The following ZNF684 variants were observed in gnomAD, a reference collection of about 807,000 sequenced individuals.
ZNF684 encodes the protein zinc finger protein 684, also known as hypothetical protein MGC27466.
Under a neutral mutation model 12.8 loss-of-function variants are expected in ZNF684, and 13 were observed. The ratio of observed to expected loss-of-function variants is 1.02; its 90% CI spans 0.66 to 1.62. ZNF684 has a LOEUF of 1.62. ZNF684 is among the 40% of genes most tolerant of loss of function. The pLI, the probability that ZNF684 is intolerant of heterozygous loss-of-function variation, is 0.00. For missense variants in ZNF684, 384 were observed against 446.9 expected (o/e 0.86, Z 1.27); for synonymous variants, 118 against 151.8 (o/e 0.78, Z 1.64).
At chr1:40,544,389 T>A in intron 4 of ZNF684, 2 of 427,768 alleles carry the variant, frequency 4.7e-6, no homozygotes, top group South Asian at 3.2e-5. Context: ...TGTCTTTTTT[T>A]GAGACAGAGT....
At chr1:40,542,961 A>T (rs1391027094) in intron 4 of ZNF684, among the ~76,000 whole-genome samples, 1 of 152,218 alleles carries the variant, frequency 6.6e-6, no homozygotes, top group East Asian at 1.9e-4. Context: ...CCAATTAAAT[A>T]TATTTCAGAT....
At chr1:40,540,885 T>C (rs1484143595) in intron 3 of ZNF684, among the ~76,000 whole-genome samples, 173 bp downstream of exon 3, 1 of 151,898 alleles carries the variant, frequency 6.6e-6, no homozygotes, top group African/African-American at 2.4e-5. Context: ...CTGAGCAACG[T>C]TGTGAGACTG....
chr1:40,542,848 C>T (rs1292812866), intron 4 of ZNF684, among the ~76,000 whole-genome samples: 1 of 152,112 alleles, frequency 6.6e-6, no homozygotes, highest in Non-Finnish European at 1.5e-5. Context: ...ATGATTTCAG[C>T]GATTAGTTTA....
At chr1:40,539,907 C>T (rs1415877081) in intron 2 of ZNF684, among the ~76,000 whole-genome samples, 2 of 151,514 alleles carry the variant, frequency 1.3e-5, no homozygotes, top group Non-Finnish European at 2.9e-5. Context: ...TCTCTAAATC[C>T]TTTGCCCATT....
At chr1:40,532,357 T>G (rs1268594658) in intron 1 of ZNF684, among the ~76,000 whole-genome samples, 2 of 120,744 alleles carry the variant, frequency 1.7e-5, no homozygotes, top group African/African-American at 3.8e-5. Context: ...TCTCCAAATT[T>G]CTTTTTTTTT....
At chr1:40,534,531 G>A (rs953202884) in intron 2 of ZNF684, among the ~76,000 whole-genome samples, 8 of 151,626 alleles carry the variant, frequency 5.3e-5, no homozygotes, top group Non-Finnish European at 7.4e-5. Flanking sequence ...ATGAGCCACC[G>A]CACCCGGCCC....
Position 40,547,371 on chromosome 1 carries a change from A to T in ZNF684, c.1048A>T (p.Thr350Ser). 1 of 1,614,196 alleles carries T rather than the reference A, an allele frequency of 6.2e-7. No individual in the cohort carries two copies. Among genetic ancestry groups the T allele is most frequent in the Non-Finnish European group, 8.5e-7 (1 of 1,180,028 alleles). Residue 350 changes from threonine (T) to serine (S), a missense_variant, in exon 5 of 5, where the codon ACA becomes TCA. Physicochemically the swap from Thr to Ser is moderately conservative, Grantham distance 58. Coordinates refer to ENST00000372699, the MANE Select transcript of ZNF684 (RefSeq NM_152373.4). ...SHLLRHQITHTGEKPYECNRC... is the reference protein window; with the variant it reads ...SHLLRHQITHSGEKPYECNRC... ...TCTCCTCAGACATCAGATAACTCAT[A>T]CAGGAGAGAAGCCCTATGAATGTAA... is the stretch of plus-strand genomic sequence containing the variant.
In ZNF684 at chr1:40,533,307, A is replaced by C. The variant is rs969768554; in HGVS notation, c.15+126A>C. 1.0e-5 allele frequency: 10 copies of C among 978,316 alleles called. No homozygotes were observed. In the African/African-American group the frequency reaches 1.6e-4, roughly 16 times the overall value. 60.6% of individuals were successfully genotyped at this position (978,316 alleles called of 1,614,324 possible). A position where few individuals can be genotyped will look rare whatever the true frequency, so the allele number is the denominator to read the frequency against. ...TCAAGTCTAAAAGGAAATTTAGAAG[A>C]TTGGTAAGTTGATATTCAAGTCATA... On this transcript the variant is annotated intron_variant, in intron 2 of 4. Coordinates refer to ENST00000372699, the MANE Select transcript of ZNF684 (RefSeq NM_152373.4).
chr1:40,538,010 T>C (rs1308576206), intron 2 of ZNF684, among the ~76,000 whole-genome samples: 1 of 152,082 alleles, frequency 6.6e-6, no homozygotes, highest in Non-Finnish European at 1.5e-5. Context: ...CCCAATACAA[T>C]AGTTTCCTAT....
chr1:40,541,571 CCTAGCA>C, intron 3 of ZNF684, 38 bp from the exon 4 acceptor site: 1 of 1,525,036 alleles, frequency 6.6e-7, no homozygotes, highest in South Asian at 1.1e-5. Context: ...TGGTTGTTTG[CCTAGCA>C]CTTTGGCCCC....
At chr1:40,539,190 C>T (rs561280820) in intron 2 of ZNF684, among the ~76,000 whole-genome samples, 11 of 152,050 alleles carry the variant, frequency 7.2e-5, no homozygotes, top group South Asian at 2.1e-4. Context: ...CCACCACACC[C>T]GGCTGATTTT....
chr1:40,533,823 C>CTTTTTTTTTTTTTTTTTTTTTTTTTTTTT (rs574077502), intron 2 of ZNF684, among the ~76,000 whole-genome samples: 1 of 123,922 alleles, frequency 8.1e-6, no homozygotes. Context: ...GTTAGGTATT[C>CTTTTTTTTTTTTTTTTTTTTTTTTTTTTT]TTTTTTTTTT....
At chr1:40,542,538 T>G (rs774908168) in intron 4 of ZNF684, among the ~76,000 whole-genome samples, 2 of 152,194 alleles carry the variant, frequency 1.3e-5, no homozygotes, top group Non-Finnish European at 2.9e-5. Flanking sequence ...TCTTCCATCT[T>G]CTTGACTTCT....
intron 4 of ZNF684, among the ~76,000 whole-genome samples, chr1:40,543,566 C>T (rs934196700): frequency 6.6e-6 from 1 of 151,846 alleles, no homozygotes; most frequent in East Asian, 1.9e-4. Flanking sequence ...ACGCCATTCT[C>T]CTGCCTCAGC....
At chr1:40,539,139 C>T (rs1196831759) in intron 2 of ZNF684, among the ~76,000 whole-genome samples, 14 of 151,928 alleles carry the variant, frequency 9.2e-5, no homozygotes, top group Non-Finnish European at 1.5e-4. Context: ...AAGCAATTCT[C>T]CTGCCTCAGC....
In ZNF684 at chr1:40,541,623, A is replaced by G. The variant is rs769515211; in HGVS notation, c.151A>G (p.Ile51Val). The change falls in exon 4 of 5, where the codon ATT becomes GTT. Residue 51 changes from isoleucine (I) to valine (V), a missense_variant. Physicochemically the swap from Ile to Val is conservative, Grantham distance 29. Coordinates refer to ENST00000372699, the MANE Select transcript of ZNF684 (RefSeq NM_152373.4). ...YRNLISVGCP[I>V]TKTKVILKVE... is the part of the protein sequence containing the mutation. Reference sequence around the variant, plus strand: ...TGTTTTCCCACCAACAGGATGTCCAATTACCAAAACAAAAGTGATCCTCAA... The same window carrying G: ...TGTTTTCCCACCAACAGGATGTCCAGTTACCAAAACAAAAGTGATCCTCAA... 18 of 1,612,814 alleles carry G rather than the reference A, an allele frequency of 1.1e-5. No individual in the cohort carries two copies. The East Asian group carries it at 2.9e-4, about 26-fold the overall frequency.
At chr1:40,536,588 G>T in intron 2 of ZNF684, among the ~76,000 whole-genome samples, 1 of 143,126 alleles carries the variant, frequency 7.0e-6, no homozygotes, top group African/African-American at 2.6e-5. Context: ...ATGTATACAT[G>T]TGCCATGCTG....
rs1646053970 is a variant in ZNF684 at position 40,547,219 on chromosome 1, A to G, written c.896A>G (p.Tyr299Cys). The G allele has an allele frequency of 6.2e-7, 1 of 1,614,100 alleles. No homozygotes were observed. The highest frequency in any genetic ancestry group is 1.7e-5 in the Admixed American group (1 of 60,000). Residue 299 changes from tyrosine to cysteine, a missense_variant, in exon 5 of 5, where the codon TAC (tyrosine) becomes TGC (cysteine). By Grantham distance (194) the Tyr-to-Cys change is radical (BLOSUM62 -2). Coordinates refer to ENST00000372699, the MANE Select transcript of ZNF684 (RefSeq NM_152373.4). ...AGATTTCATACAGGAGAGAAACCCT[A>G]CCAGTGTATCATATGTGGCAAAGCT... is the stretch of plus-strand genomic sequence containing the variant. ...HSRFHTGEKP[Y>C]QCIICGKAFG...
At chr1:40,534,996 A>T (rs1265523348) in intron 2 of ZNF684, among the ~76,000 whole-genome samples, 1 of 152,192 alleles carries the variant, frequency 6.6e-6, no homozygotes, top group Non-Finnish European at 1.5e-5. Context: ...AGAAAAGAAA[A>T]GATGGATTTC....
Sources: allele counts gnomAD v4.1 joint callset (sites outside exome capture counted in the v4.1 genomes callset), GRCh38; gene constraint gnomAD v4.1.1; transcripts MANE v1.5; gene names NCBI Gene and HGNC (gene_info 2026-07-23, HGNC 2026-07-21).